RYR2: variants seen among roughly 807,000 people sequenced by gnomAD.
RYR2 encodes the protein ryanodine receptor 2.
In RYR2, 227 loss-of-function variants were observed where a neutral mutation model predicts 601.1. That is an observed-to-expected ratio of 0.38 (90% CI 0.34 to 0.42). The LOEUF (loss-of-function observed/expected upper bound fraction) is 0.42. Ranked by LOEUF, RYR2 falls within the 10% of genes least tolerant of loss-of-function variation. The probability of loss-of-function intolerance (pLI) is 1.00; values close to 1 mark genes in which losing one functional copy is unlikely to be tolerated. For missense variants in RYR2, 4,646 were observed against 6,156.5 expected (o/e 0.75, Z 8.21); for synonymous variants, 2,223 against 2,175.1 (o/e 1.02, Z -0.61).
In RYR2 at chr1:237,742,307, T is replaced by C; in HGVS notation, c.11103T>C (p.Asp3701=). 2 of 1,554,012 alleles carry C rather than the reference T, an allele frequency of 1.3e-6. No homozygotes were observed. The highest frequency in any genetic ancestry group is 1.4e-5 in the African/African-American group (1 of 73,482). The change falls in exon 80 of 105, where the codon GAT becomes GAC. Residue 3701 remains aspartate, a synonymous_variant. Coordinates refer to ENST00000366574, the MANE Select transcript of RYR2 (RefSeq NM_001035.3). ...TTTTAAATATACAGAGTTGTCATGA[T>C]GAGGAAGATGACGATGGTGAAGAGG... ...YADIMAKSCH[D]EEDDDGEEEV...
rs1574137909 is a variant in RYR2 at position 237,833,351 on chromosome 1, G to T, written c.*704G>T. The T allele has an allele frequency of 9.2e-6, 1 of 109,094 alleles. No individual in the cohort carries two copies. The highest frequency in any genetic ancestry group is 1.8e-5 in the Non-Finnish European group (1 of 57,080). 6.8% of individuals were successfully genotyped at this position (109,094 alleles called of 1,614,324 possible). A position where few individuals can be genotyped will look rare whatever the true frequency, so the allele number is the denominator to read the frequency against. On this transcript the variant is annotated 3_prime_UTR_variant, in exon 105 of 105. Coordinates refer to ENST00000366574, the MANE Select transcript of RYR2 (RefSeq NM_001035.3). The stretch of plus-strand genomic sequence containing the variant: ...TTCTCATTCAGCTAAATTCACATTT[G>T]CCCCCCCCCCCCGCCCCCGCCCCCA...
rs542713381 is a variant in RYR2, at chr1:237,380,871, A to C, written c.576+3436A>C. Among the ~76,000 whole-genome samples the C allele has an allele frequency of 7.2e-5, 11 of 152,102 alleles. No individual in the cohort carries two copies. In the South Asian group the frequency reaches 2.3e-3, roughly 32 times the overall value. ...GGCGGGTGGATTACCTGAGGTCAGGAATTCAGGACCAGCCTGGCCAACATG... is the reference window on the plus strand; with the variant it reads ...GGCGGGTGGATTACCTGAGGTCAGGCATTCAGGACCAGCCTGGCCAACATG... On this transcript the variant is annotated intron_variant, in intron 8 of 104. Coordinates refer to ENST00000366574, the MANE Select transcript of RYR2 (RefSeq NM_001035.3).
chr1:237,100,012 G>A (rs1442021869), intron 1 of RYR2, among the ~76,000 whole-genome samples: 2 of 152,128 alleles, frequency 1.3e-5, no homozygotes, highest in Non-Finnish European at 2.9e-5. Flanking sequence ...TCAGCTCCTG[G>A]GGCTAAGGTA....
Position 237,403,626 on chromosome 1 carries a change from A to G in RYR2, c.774-13423A>G, listed in dbSNP as rs984246680. The stretch of plus-strand genomic sequence containing the variant: ...TTTTTTGTAAAGACAGTATCCCACT[A>G]TGTTGCCCAGGGTGGTCTTGAATTT... On this transcript the variant is annotated intron_variant, in intron 10 of 104. Coordinates refer to ENST00000366574, the MANE Select transcript of RYR2 (RefSeq NM_001035.3). 3.9e-5 allele frequency among the ~76,000 whole-genome samples: 6 copies of G among 152,122 alleles called. No homozygotes were observed. The South Asian group carries it at 8.3e-4, about 21-fold the overall frequency.
At chr1:237,780,213 G>A (rs940984593) in intron 88 of RYR2, among the ~76,000 whole-genome samples, 4 of 152,176 alleles carry the variant, frequency 2.6e-5, no homozygotes, top group African/African-American at 9.7e-5. Flanking sequence ...ACTAGAGTTT[G>A]GTCAAGGAGA....
At chr1:237,409,156 T>C (rs774920017) in intron 10 of RYR2, among the ~76,000 whole-genome samples, 8 of 152,148 alleles carry the variant, frequency 5.3e-5, no homozygotes, top group Non-Finnish European at 1.2e-4. Flanking sequence ...ACATTTAATT[T>C]CCTTTTCTTA....
At chr1:237,277,338 G>GTC (rs1168857831) in intron 2 of RYR2, among the ~76,000 whole-genome samples, 5 of 152,182 alleles carry the variant, frequency 3.3e-5, no homozygotes, top group Non-Finnish European at 7.4e-5. Flanking sequence ...AAAGTCAGGT[G>GTC]TAAGTTAAGG....
chr1:237,130,260 A>G (rs183452988), intron 1 of RYR2, among the ~76,000 whole-genome samples: 12 of 152,306 alleles, frequency 7.9e-5, no homozygotes, highest in African/African-American at 2.6e-4. Flanking sequence ...GGGGAAGAGT[A>G]AAAAAGAGAG....
intron 1 of RYR2, among the ~76,000 whole-genome samples, chr1:237,151,998 C>A (rs866071338): frequency 6.6e-6 from 1 of 152,020 alleles, no homozygotes; most frequent in African/African-American, 2.4e-5. Flanking sequence ...CCCTGATGCT[C>A]TCTCTCCTCT....
intron 2 of RYR2, among the ~76,000 whole-genome samples, chr1:237,305,705 T>C (rs1693802514): frequency 6.6e-6 from 1 of 152,186 alleles, no homozygotes; most frequent in Non-Finnish European, 1.5e-5. Flanking sequence ...ATGCTGGCAT[T>C]ACAGGCATGA....
chr1:237,249,992 G>A (rs888438), intron 1 of RYR2, among the ~76,000 whole-genome samples: 1 of 152,122 alleles, frequency 6.6e-6, no homozygotes, highest in East Asian at 1.9e-4. Flanking sequence ...TCTACTCTTC[G>A]ATTTACAGAG....
intron 1 of RYR2, among the ~76,000 whole-genome samples, chr1:237,140,501 C>A (rs1173634432): frequency 6.6e-6 from 1 of 152,138 alleles, no homozygotes; most frequent in Non-Finnish European, 1.5e-5. Context: ...GTCTGAAATA[C>A]CCCAGCACAA....
intron 17 of RYR2, among the ~76,000 whole-genome samples, chr1:237,479,757 A>G (rs764068200): frequency 1.3e-5 from 2 of 152,334 alleles, no homozygotes; most frequent in Admixed American, 6.5e-5. Flanking sequence ...TAATTGTGCA[A>G]CGAAGGAAAT....
intron 16 of RYR2, among the ~76,000 whole-genome samples, chr1:237,465,255 G>A (rs1455527832): frequency 6.6e-6 from 1 of 151,770 alleles, no homozygotes; most frequent in Non-Finnish European, 1.5e-5. Flanking sequence ...TTGTCTCTTT[G>A]GAGGAATGAA....
intron 22 of RYR2, 52 bp downstream of exon 22, chr1:237,503,557 C>G: frequency 1.3e-6 from 2 of 1,566,212 alleles, no homozygotes; most frequent in Non-Finnish European, 1.8e-6. Flanking sequence ...CATGCTGATA[C>G]ACAGTGGCTT....
rs1453425758 is a variant in RYR2, at chr1:237,732,140, C to A, written c.11030C>A (p.Thr3677Lys). 6.2e-7 allele frequency: 1 copy of A among 1,604,004 alleles called. No individual in the cohort carries two copies. Among genetic ancestry groups the A allele is most frequent in the African/African-American group, 1.3e-5 (1 of 74,766 alleles). ...CTTCTGTTTAGTCGGACAGCTTTAA[C>A]AGAGAAATGGTATGGTTGGGAGGGT... is the stretch of plus-strand genomic sequence containing the variant. ...LILLFSRTAL[T>K]EKCKLEEDFL... Residue 3677 changes from threonine to lysine, a missense_variant, in exon 78 of 105, where the codon ACA (threonine) becomes AAA (lysine). Around this residue, in one of 17 missense-constraint regions of RYR2, gnomAD observed 1,497 missense variants for 1,842.6 expected, o/e 0.81. Coordinates refer to ENST00000366574, the MANE Select transcript of RYR2 (RefSeq NM_001035.3).
chr1:237,540,242 C>T (rs1669109002), intron 25 of RYR2, among the ~76,000 whole-genome samples: 1 of 152,020 alleles, frequency 6.6e-6, no homozygotes. Context: ...TTGTGGTCCT[C>T]ACTATCTCAT....
rs1452812746 is a variant in RYR2 at position 237,494,695 on chromosome 1, A to G, written c.1961+1608A>G. On this transcript the variant is annotated intron_variant, in intron 19 of 104. Coordinates refer to ENST00000366574, the MANE Select transcript of RYR2 (RefSeq NM_001035.3). ...TCAACAAAACGCTGTGTGTGATAGTAGTAACATTGACATACTGTATCTAGC... is the reference window on the plus strand; with the variant it reads ...TCAACAAAACGCTGTGTGTGATAGTGGTAACATTGACATACTGTATCTAGC... 2.0e-5 allele frequency among the ~76,000 whole-genome samples: 3 copies of G among 152,268 alleles called. No homozygotes were observed. In the East Asian group the frequency reaches 5.8e-4, roughly 29 times the overall value.
intron 89 of RYR2, among the ~76,000 whole-genome samples, chr1:237,782,250 G>A (rs1021122661): frequency 5.9e-5 from 8 of 135,338 alleles, no homozygotes; most frequent in East Asian, 2.4e-4. Flanking sequence ...CAAATCCACC[G>A]CCAGAGTTTA....
Sources: gnomAD v4.1 joint callset for allele counts (sites outside exome capture counted in the v4.1 genomes callset) on GRCh38, gnomAD v4.1.1 for gene constraint, gnomAD v4.1.1 regional missense constraint, MANE v1.5 for transcripts, NCBI Gene and HGNC (gene_info 2026-07-23, HGNC 2026-07-21) for gene names.